The following KANK1 variants were observed in gnomAD, a reference collection of about 807,000 sequenced individuals.
KANK1 encodes KN motif and ankyrin repeat domain-containing protein 1.
In KANK1, 109 loss-of-function variants were observed where a neutral mutation model predicts 106.2. That is an observed-to-expected ratio of 1.03 (90% confidence interval 0.88 to 1.20). KANK1 has a LOEUF of 1.20. Among genes scored for constraint, KANK1 ranks in the 50% most tolerant of loss-of-function variants. The probability of loss-of-function intolerance (pLI) is 0.00; values close to 1 mark genes in which losing one functional copy is unlikely to be tolerated. For synonymous variants in KANK1, 873 were observed against 652.2 expected (o/e 1.34, Z -5.16); for missense variants, 2,399 against 1,710.7 (o/e 1.40, Z -7.10).
chr9:676,143 T>G (rs1816374682), intron 1 of KANK1, among the ~76,000 whole-genome samples: 1 of 152,200 alleles, frequency 6.6e-6, no homozygotes. Context: ...GCAAGGTCTT[T>G]GTGACCTGTA....
chr9:490,115 C>G (rs748932360), intron 3 of KANK1, among the ~76,000 whole-genome samples: 1 of 152,168 alleles, frequency 6.6e-6, no homozygotes, highest in African/African-American at 2.4e-5. Flanking sequence ...TACTTCAATC[C>G]TGACCAGGTT....
intron 1 of KANK1, among the ~76,000 whole-genome samples, chr9:565,764 G>T (rs1269559320): frequency 1.3e-5 from 2 of 152,180 alleles, no homozygotes; most frequent in African/African-American, 4.8e-5. Context: ...CCAATCTTAG[G>T]TTCCGCAAGA....
intron 4 of KANK1, 184 bp downstream of exon 4, chr9:730,432 C>T: frequency 1.5e-6 from 1 of 649,080 alleles, no homozygotes; most frequent in East Asian, 2.9e-5. Flanking sequence ...TGGCTCACAC[C>T]TGTGATCCCA....
intron 1 of KANK1, among the ~76,000 whole-genome samples, chr9:545,053 T>C (rs1280363185): frequency 6.7e-6 from 1 of 149,940 alleles, no homozygotes; most frequent in Non-Finnish European, 1.5e-5. Context: ...AGGGGACAAA[T>C]GGCGGCTGAG....
At position 599,480 on chromosome 9, in the gene KANK1, T is replaced by C. The variant is rs964195703; in HGVS notation, c.-83-77410T>C. Among the ~76,000 whole-genome samples, 10 of 151,876 alleles carry C rather than the reference T, an allele frequency of 6.6e-5. 1 individual carries two copies. The highest frequency in any genetic ancestry group is 2.4e-4 in the African/African-American group (10 of 41,128). On this transcript the variant is annotated intron_variant, in intron 1 of 11. Transcript: ENST00000382297. ...CATGCATTTATATACAAACATACTT[T>C]CTTACTGTGAATAAAGTCATATACT...
chr9:481,607 A>G (rs1456558591), intron 3 of KANK1, among the ~76,000 whole-genome samples: 3 of 152,250 alleles, frequency 2.0e-5, no homozygotes, highest in African/African-American at 7.2e-5. Flanking sequence ...ACGGCGGGCA[A>G]AAAGCTCATG....
Position 739,181 on chromosome 9 carries a change from C to A in KANK1, c.3553+677C>A, listed in dbSNP as rs1178090564. On this transcript the variant is annotated intron_variant, in intron 8 of 11. Transcript: ENST00000382297. ...ATACACAGATGGTACCCTCAAGAAA[C>A]TGTGAGCTTTCAACTTCTTGTTCAA... Among the ~76,000 whole-genome samples the A allele has an allele frequency of 2.0e-5, 3 of 152,326 alleles. No individual in the cohort carries two copies. In the East Asian group the frequency reaches 5.8e-4, roughly 29 times the overall value.
chr9:561,893 A>G (rs1816544822), intron 1 of KANK1, among the ~76,000 whole-genome samples: 1 of 152,268 alleles, frequency 6.6e-6, no homozygotes, highest in Non-Finnish European at 1.5e-5. Flanking sequence ...CACTGTAGAA[A>G]TTGACCAAGG....
rs754919590 is a variant in KANK1 at position 713,158 on chromosome 9, G to C, written c.2392G>C (p.Gly798Arg). Residue 798 changes from glycine to arginine, a missense_variant, in exon 3 of 12, where the codon GGG becomes CGG. Gly to Arg is a moderately radical substitution (Grantham distance 125, BLOSUM62 -2). Transcript: ENST00000382297. The stretch of plus-strand genomic sequence containing the variant: ...GCTGACAGCCAGCAGAAGGAGCGTG[G>C]GGGTTGGGGATGACCCTGTAGGGGA... ...VGLTASRRSVGVGDDPVGESL... is the reference protein window; with the variant it reads ...VGLTASRRSVRVGDDPVGESL... 4.4e-6 allele frequency: 7 copies of C among 1,591,322 alleles called. No individual in the cohort carries two copies. The highest frequency in any genetic ancestry group is 6.0e-6 in the Non-Finnish European group (7 of 1,167,648).
At chr9:568,946 G>A (rs76629705) in intron 1 of KANK1, among the ~76,000 whole-genome samples, 17 of 152,232 alleles carry the variant, frequency 1.1e-4, no homozygotes, top group Middle Eastern at 3.4e-3. Flanking sequence ...CACACTCATC[G>A]GGGTATATTT....
At chr9:690,920 C>G (rs1819762613) in intron 2 of KANK1, among the ~76,000 whole-genome samples, 1 of 152,220 alleles carries the variant, frequency 6.6e-6, no homozygotes, top group Non-Finnish European at 1.5e-5. Context: ...TGGCTACTCT[C>G]CGCCTGTCAG....
At chr9:492,298 A>G (rs1046787716) in intron 3 of KANK1, 11 of 152,204 alleles carry the variant, frequency 7.2e-5, no homozygotes, top group African/African-American at 2.7e-4. Flanking sequence ...TAACTTGCAA[A>G]GCATCGATAG....
intron 1 of KANK1, among the ~76,000 whole-genome samples, chr9:651,119 C>T (rs995694783): frequency 5.3e-5 from 8 of 152,096 alleles, no homozygotes; most frequent in South Asian, 2.1e-4. Context: ...GGACAGTTTT[C>T]GGAACCCCTT....
intron 1 of KANK1, among the ~76,000 whole-genome samples, chr9:633,897 G>C (rs1225299454): frequency 6.6e-6 from 1 of 152,136 alleles, no homozygotes; most frequent in East Asian, 1.9e-4. Context: ...GTGATCCTCT[G>C]GCCTCAGCCT....
chr9:737,084 G>T (rs575953287), intron 7 of KANK1, among the ~76,000 whole-genome samples: 4 of 152,160 alleles, frequency 2.6e-5, no homozygotes, highest in Admixed American at 2.6e-4. Flanking sequence ...AGTAGTGGAC[G>T]AGTAAACACA....
intron 2 of KANK1, among the ~76,000 whole-genome samples, chr9:698,558 C>T (rs1400436944): frequency 2.0e-5 from 3 of 152,150 alleles, no homozygotes; most frequent in Non-Finnish European, 4.4e-5. Flanking sequence ...GTCTCCAGCT[C>T]AGCCCAGAGT....
At chr9:614,375 A>G (rs1831295239) in intron 1 of KANK1, among the ~76,000 whole-genome samples, 1 of 151,974 alleles carries the variant, frequency 6.6e-6, no homozygotes, top group Non-Finnish European at 1.5e-5. Flanking sequence ...TTGAGGAGTG[A>G]TTATATACTT....
intron 2 of KANK1, chr9:693,271 A>G: frequency 3.6e-6 from 2 of 548,172 alleles, no homozygotes; most frequent in Non-Finnish European, 4.6e-6. Context: ...GGTTCAGCAT[A>G]AAACTCAATC....
intron 3 of KANK1, among the ~76,000 whole-genome samples, chr9:719,437 T>G (rs1385119994): frequency 6.6e-6 from 1 of 152,188 alleles, no homozygotes; most frequent in East Asian, 1.9e-4. Flanking sequence ...TAAATCAGAA[T>G]GTCAAGCTGA....
Sources: gnomAD v4.1 joint callset for allele counts (sites outside exome capture counted in the v4.1 genomes callset) on GRCh38, gnomAD v4.1.1 for gene constraint, MANE v1.5 for transcripts, NCBI Gene and HGNC (gene_info 2026-07-23, HGNC 2026-07-21) for gene names.